PCDHGA1: variants seen among roughly 807,000 people sequenced by gnomAD.
The protein encoded by PCDHGA1 is protocadherin gamma-A1.
A neutral mutation model predicts 58.0 loss-of-function variants in PCDHGA1; 32 were observed. The ratio of observed to expected loss-of-function variants is 0.55; its 90% CI spans 0.42 to 0.74. The LOEUF is 0.74. Ranked by LOEUF, PCDHGA1 falls within the 30% of genes least tolerant of loss-of-function variation. The probability of loss-of-function intolerance (pLI) is 0.00; values close to 1 mark genes in which losing one functional copy is unlikely to be tolerated. For synonymous variants in PCDHGA1, 498 were observed against 501.1 expected, an observed-to-expected ratio of 0.99 and a Z score of 0.08; for missense variants, 1,205 against 1,182.3, an observed-to-expected ratio of 1.02 and a Z score of -0.28.
chr5:141,404,240 C>T, intron 1 of PCDHGA1: 1 of 1,613,660 alleles, frequency 6.2e-7, no homozygotes, highest in East Asian at 2.2e-5. Context: ...CAGAGGAACT[C>T]CGCCCCTGTC....
intron 1 of PCDHGA1, chr5:141,355,229 A>T (rs1759766988): frequency 6.2e-7 from 1 of 1,611,188 alleles, no homozygotes. Context: ...CGCCCAGACC[A>T]CACCCGGCTG....
At chr5:141,392,991 G>A in intron 1 of PCDHGA1, 1 of 1,613,904 alleles carries the variant, frequency 6.2e-7, no homozygotes, top group Middle Eastern at 1.7e-4. Flanking sequence ...CCGGAAGCTG[G>A]CGAAGCACGG....
intron 1 of PCDHGA1, chr5:141,361,978 G>A (rs768035104): frequency 6.9e-6 from 11 of 1,600,872 alleles, no homozygotes; most frequent in African/African-American, 6.7e-5. Context: ...CAGCGAGCCC[G>A]GGCTCTTCAG....
At chr5:141,438,268 C>T (rs949472857) in intron 1 of PCDHGA1, among the ~76,000 whole-genome samples, 1 of 152,054 alleles carries the variant, frequency 6.6e-6, no homozygotes. Flanking sequence ...ACCATAGAAT[C>T]AAACAAAATA....
At chr5:141,507,262 G>A (rs1294679320) in intron 3 of PCDHGA1, 6 of 151,748 alleles carry the variant, frequency 4.0e-5, no homozygotes, top group Non-Finnish European at 8.8e-5. Flanking sequence ...TAAACAGCAA[G>A]TACTATTTCA....
At position 141,486,209 on chromosome 5, in the gene PCDHGA1, A is replaced by C. The variant is rs749965379; in HGVS notation, c.2422-8598A>C. On this transcript the variant is annotated intron_variant, in intron 1 of 3. Transcript: ENST00000517417. The surrounding 1 kb of genome is among the most constrained non-coding windows in gnomAD (Gnocchi z 5.0). ...AGTGGATCTGCTGGACGTAAATGAC[A>C]ATGCCCCTTACATCACAGTGACCTC... 1 of 1,614,080 alleles carries C rather than the reference A, an allele frequency of 6.2e-7. No homozygotes were observed. Among genetic ancestry groups the C allele is most frequent in the South Asian group, 1.1e-5 (1 of 91,078 alleles).
intron 1 of PCDHGA1, chr5:141,393,241 A>C (rs377394191): frequency 1.8e-4 from 292 of 1,613,684 alleles, no homozygotes; most frequent in Non-Finnish European, 2.3e-4. Context: ...GTAAAAATTA[A>C]CGAAATCGCG....
chr5:141,370,656 G>C, intron 1 of PCDHGA1: 1 of 1,613,852 alleles, frequency 6.2e-7, no homozygotes, highest in South Asian at 1.1e-5. Flanking sequence ...ACTTGTGAGC[G>C]ACCGTATAGA....
chr5:141,498,284 G>A (rs1339639509), intron 2 of PCDHGA1, among the ~76,000 whole-genome samples: 1 of 152,004 alleles, frequency 6.6e-6, no homozygotes, highest in Non-Finnish European at 1.5e-5. Flanking sequence ...CTTGGTTCAA[G>A]ATCAAGCCAG....
chr5:141,357,256 G>T (rs1201064844), intron 1 of PCDHGA1: 1 of 1,613,738 alleles, frequency 6.2e-7, no homozygotes, highest in South Asian at 1.1e-5. Flanking sequence ...AGACCCAGAC[G>T]ACTCGGGCCT....
In PCDHGA1 at chr5:141,477,028, G is replaced by A. The variant is rs1015508317; in HGVS notation, c.2422-17779G>A. On this transcript the variant is annotated intron_variant, in intron 1 of 3. Coordinates refer to ENST00000517417, the MANE Select transcript of PCDHGA1 (RefSeq NM_018912.3). The surrounding 1 kb of genome is among the most constrained non-coding windows in gnomAD (Gnocchi z 4.9). ...CCTTAGACCTTGTAACCGGGATGCT[G>A]ACAATCAAGGGTCGGCTGGACTTCG... The A allele has an allele frequency of 2.5e-6, 4 of 1,614,146 alleles. No homozygotes were observed. The highest frequency in any genetic ancestry group is 1.7e-5 in the Admixed American group (1 of 60,018).
chr5:141,501,125 C>A (rs2099805699), intron 2 of PCDHGA1, among the ~76,000 whole-genome samples: 1 of 152,140 alleles, frequency 6.6e-6, no homozygotes, highest in South Asian at 2.1e-4. Context: ...CCTCAGCCTC[C>A]CTAAGTGCTG....
intron 1 of PCDHGA1, chr5:141,352,199 C>G: frequency 6.2e-7 from 1 of 1,613,920 alleles, no homozygotes; most frequent in Non-Finnish European, 8.5e-7. Context: ...TGATGGAGGA[C>G]AGCCGCCACT....
rs779191558 is a variant in PCDHGA1 at position 141,491,465 on chromosome 5, A to G, written c.2422-3342A>G. On this transcript the variant is annotated intron_variant, in intron 1 of 3. Coordinates refer to ENST00000517417, the MANE Select transcript of PCDHGA1 (RefSeq NM_018912.3). This position sits in a 1 kb window ranked among gnomAD's most constrained non-coding sequence, Gnocchi z 6.9. The stretch of plus-strand genomic sequence containing the variant: ...CAGGACTCACCCTCCCCGGACTTCT[A>G]TAAGCAGTCCAGCCCCAACCTGCAG... 1.2e-6 allele frequency: 2 copies of G among 1,613,974 alleles called. No homozygotes were observed. The highest frequency in any genetic ancestry group is 1.1e-5 in the South Asian group (1 of 91,084).
At chr5:141,419,192 G>C (rs772847766) in intron 1 of PCDHGA1, 2 of 1,613,934 alleles carry the variant, frequency 1.2e-6, no homozygotes, top group Admixed American at 1.7e-5. Context: ...CATTACTGAC[G>C]TCAATGACAA....
intron 1 of PCDHGA1, chr5:141,398,032 C>A: frequency 6.8e-7 from 1 of 1,469,940 alleles, no homozygotes; most frequent in South Asian, 1.4e-5. Flanking sequence ...GGAACTGGAA[C>A]TAAAGCCCGT....
intron 1 of PCDHGA1, among the ~76,000 whole-genome samples, chr5:141,492,802 G>A (rs1490284966): frequency 6.6e-6 from 1 of 152,234 alleles, no homozygotes; most frequent in Non-Finnish European, 1.5e-5. Flanking sequence ...GCAGGACTGG[G>A]ACTCCAGTGG....
intron 1 of PCDHGA1, chr5:141,415,272 A>G (rs771588742): frequency 1.3e-5 from 21 of 1,614,208 alleles, no homozygotes; most frequent in African/African-American, 9.3e-5. Context: ...ACCTGGTGGT[A>G]GCGGTGGCCG....
chr5:141,343,793 C>T (rs1757325455), intron 1 of PCDHGA1: 2 of 432,734 alleles, frequency 4.6e-6, no homozygotes, highest in African/African-American at 4.1e-5. Flanking sequence ...CGCTGTTGAC[C>T]ACTCAAGAAG....
Sources: allele counts gnomAD v4.1 joint callset (sites outside exome capture counted in the v4.1 genomes callset), GRCh38; gene constraint gnomAD v4.1.1; non-coding constraint Gnocchi (gnomAD v3.1); transcripts MANE v1.5; gene names NCBI Gene and HGNC (gene_info 2026-07-23, HGNC 2026-07-21).